Variants in KIRREL3 observed in about 807,000 individuals in gnomAD.
KIRREL3 encodes the protein kirre like nephrin family adhesion molecule 3.
In KIRREL3, 36 loss-of-function variants were observed where a neutral mutation model predicts 89.7. That is an observed-to-expected ratio of 0.40 (90% CI 0.31 to 0.53). The LOEUF (loss-of-function observed/expected upper bound fraction) is 0.53. Ranked by LOEUF, KIRREL3 falls within the 20% of genes least tolerant of loss-of-function variation. The probability of loss-of-function intolerance (pLI) is 0.49; values close to 1 mark genes in which losing one functional copy is unlikely to be tolerated. For missense variants in KIRREL3, 864 were observed against 1,056.6 expected (o/e 0.82, Z 2.53); for synonymous variants, 445 against 441.4 (o/e 1.01, Z -0.10).
rs73629186 is a variant in KIRREL3 at position 126,669,313 on chromosome 11, C to T, written c.56-106401G>A. ...GTTTTCCTTCAGCGTATTTCAAACA[C>T]GTGCAAGATCTTCCTCCTTCCCTGA... On this transcript the variant is annotated intron_variant, in intron 1 of 16. Coordinates refer to ENST00000525144, the MANE Select transcript of KIRREL3 (RefSeq NM_032531.4). The surrounding 1 kb of genome is among the most constrained non-coding windows in gnomAD (Gnocchi z 5.0). Among the ~76,000 whole-genome samples the T allele has an allele frequency of 0.016, 2,471 of 152,258 alleles. 82 individuals carry two copies. The highest frequency in any genetic ancestry group is 0.056 in the African/African-American group (2,310 of 41,524).
At position 126,519,987 on chromosome 11, in the gene KIRREL3, C is replaced by T. The variant is rs1188919429; in HGVS notation, c.433+1328G>A. On this transcript the variant is annotated intron_variant, in intron 4 of 16. Coordinates refer to ENST00000525144, the MANE Select transcript of KIRREL3 (RefSeq NM_032531.4). This position sits in a 1 kb window ranked among gnomAD's most constrained non-coding sequence, Gnocchi z 4.3. ...TTTTCTCATTCCTTTCATCGCAGGC[C>T]TGGGGAGACTCAAAGGTTGCAGGAG... Among the ~76,000 whole-genome samples the T allele has an allele frequency of 6.6e-6, 1 of 152,140 alleles. No individual in the cohort carries two copies. The highest frequency in any genetic ancestry group is 2.4e-5 in the African/African-American group (1 of 41,434).
In KIRREL3 at chr11:126,437,197, C is replaced by T. The variant is rs532907031; in HGVS notation, c.1354-188G>A. 5.9e-5 allele frequency among the ~76,000 whole-genome samples: 9 copies of T among 152,308 alleles called. 1 individual carries two copies. The highest frequency in any genetic ancestry group is 2.2e-4 in the African/African-American group (9 of 41,554). ...AAATATGCACACATGCAGGTGCACA[C>T]ACAACACGCATCACCACACATGGGC... On this transcript the variant is annotated intron_variant, in intron 11 of 16. Coordinates refer to ENST00000525144, the MANE Select transcript of KIRREL3 (RefSeq NM_032531.4).
rs954489899 is a variant in KIRREL3, at chr11:126,782,671, G to C, written c.55+217784C>G. Among the ~76,000 whole-genome samples, 23 of 152,138 alleles carry C rather than the reference G, an allele frequency of 1.5e-4. No homozygotes were observed. The highest frequency in any genetic ancestry group is 5.6e-4 in the African/African-American group (23 of 41,430). ...GGAGGTTACAGATAAGCAAAAGGAG[G>C]GGGCTAGAATGATCCAGATCCACGT... On this transcript the variant is annotated intron_variant, in intron 1 of 16. Transcript: ENST00000525144. The surrounding 1 kb of genome is among the most constrained non-coding windows in gnomAD (Gnocchi z 4.1).
intron 1 of KIRREL3, among the ~76,000 whole-genome samples, chr11:126,838,841 C>T (rs1943863561): frequency 6.6e-6 from 1 of 152,116 alleles, no homozygotes; most frequent in Non-Finnish European, 1.5e-5. Flanking sequence ...ACTTGTTTGG[C>T]ATGATAAAGT....
intron 1 of KIRREL3, among the ~76,000 whole-genome samples, chr11:126,910,493 T>C (rs1290355758): frequency 6.6e-6 from 1 of 152,192 alleles, no homozygotes; most frequent in Non-Finnish European, 1.5e-5. Flanking sequence ...AGTTAGTGGG[T>C]ATTTCCAGTG....
chr11:126,447,276 G>T (rs369056200), intron 8 of KIRREL3, among the ~76,000 whole-genome samples: 1 of 145,652 alleles, frequency 6.9e-6, no homozygotes, highest in Non-Finnish European at 1.5e-5. Context: ...CCAGTGGCGG[G>T]CAGGGGCCCT....
In KIRREL3 at chr11:126,627,324, G is replaced by A. The variant is rs867052068; in HGVS notation, c.56-64412C>T. On this transcript the variant is annotated intron_variant, in intron 1 of 16. Coordinates refer to ENST00000525144, the MANE Select transcript of KIRREL3 (RefSeq NM_032531.4). The surrounding 1 kb of genome is among the most constrained non-coding windows in gnomAD (Gnocchi z 5.0). ...ACAGAGGCTGGAGCAGGTGGCCAAGGGCCTTGAAAACCATGTTGAAGCATG... is the reference window on the plus strand; with the variant it reads ...ACAGAGGCTGGAGCAGGTGGCCAAGAGCCTTGAAAACCATGTTGAAGCATG... Among the ~76,000 whole-genome samples, 1 of 152,108 alleles carries A rather than the reference G, an allele frequency of 6.6e-6. No individual in the cohort carries two copies. Among genetic ancestry groups the A allele is most frequent in the Non-Finnish European group, 1.5e-5 (1 of 68,012 alleles).
At position 126,898,566 on chromosome 11, in the gene KIRREL3, C is replaced by T. The variant is rs1592308990; in HGVS notation, c.55+101889G>A. On this transcript the variant is annotated intron_variant, in intron 1 of 16. Coordinates refer to ENST00000525144, the MANE Select transcript of KIRREL3 (RefSeq NM_032531.4). This position sits in a 1 kb window ranked among gnomAD's most constrained non-coding sequence, Gnocchi z 4.9. Reference sequence around the variant, plus strand: ...CAATACGAACAATTCCTAAAAGCAGCGTTAGTTGAAAGCAGAAACAGAATT... The same window carrying T: ...CAATACGAACAATTCCTAAAAGCAGTGTTAGTTGAAAGCAGAAACAGAATT... Among the ~76,000 whole-genome samples, 1 of 152,080 alleles carries T rather than the reference C, an allele frequency of 6.6e-6. No homozygotes were observed. Among genetic ancestry groups the T allele is most frequent in the South Asian group, 2.1e-4 (1 of 4,820 alleles).
In KIRREL3 at chr11:126,668,680, G is replaced by A. The variant is rs184211329; in HGVS notation, c.56-105768C>T. 6.8e-6 allele frequency among the ~76,000 whole-genome samples: 1 copy of A among 147,522 alleles called. No individual in the cohort carries two copies. The highest frequency in any genetic ancestry group is 6.7e-5 in the Admixed American group (1 of 14,824). On this transcript the variant is annotated intron_variant, in intron 1 of 16. Coordinates refer to ENST00000525144, the MANE Select transcript of KIRREL3 (RefSeq NM_032531.4). The surrounding 1 kb of genome is among the most constrained non-coding windows in gnomAD (Gnocchi z 4.4). ...TGTCTCAAATCTATAAAGAGCTGTT[G>A]GGAAGTTTCTGTTTTTCTTTCTTTC...
chr11:126,795,414 G>A lies in KIRREL3; in HGVS notation c.55+205041C>T, dbSNP rs1452511345. On this transcript the variant is annotated intron_variant, in intron 1 of 16. Transcript: ENST00000525144. This position sits in a 1 kb window ranked among gnomAD's most constrained non-coding sequence, Gnocchi z 4.1. ...AGACAGAGTCTCAGTCTGTGACCCA[G>A]CCTGGAGTGCAGTGGCGTGATCTCT... Among the ~76,000 whole-genome samples, 1 of 152,194 alleles carries A rather than the reference G, an allele frequency of 6.6e-6. No individual in the cohort carries two copies. Among genetic ancestry groups the A allele is most frequent in the Admixed American group, 6.5e-5 (1 of 15,278 alleles).
intron 1 of KIRREL3, among the ~76,000 whole-genome samples, chr11:126,711,257 C>T (rs187572427): frequency 4.4e-4 from 67 of 152,304 alleles, no homozygotes; most frequent in African/African-American, 1.4e-3. Flanking sequence ...CACATAACCG[C>T]CTAAGTTTAA....
rs145547813 is a variant in KIRREL3 at position 126,714,440 on chromosome 11, C to T, written c.56-151528G>A. ...CAGAAGAAACCTGTGCTAATGCCTG[C>T]GATTCTCTGTGGGACAGCGGGTGTG... is the stretch of plus-strand genomic sequence containing the variant. On this transcript the variant is annotated intron_variant, in intron 1 of 16. Coordinates refer to ENST00000525144, the MANE Select transcript of KIRREL3 (RefSeq NM_032531.4). Among the ~76,000 whole-genome samples, 12 of 152,318 alleles carry T rather than the reference C, an allele frequency of 7.9e-5. No individual in the cohort carries two copies. The South Asian group carries it at 1.9e-3, about 24-fold the overall frequency.
intron 1 of KIRREL3, among the ~76,000 whole-genome samples, chr11:126,613,883 TTTTTTTTTTTA>T (rs1943234011): frequency 2.6e-5 from 2 of 76,846 alleles, no homozygotes; most frequent in East Asian, 5.3e-4. Context: ...TTTTTTTTTT[TTTTTTTTTTTA>T]TTTTTTTCCC....
In KIRREL3 at chr11:126,906,093, C is replaced by T. The variant is rs1045834172; in HGVS notation, c.55+94362G>A. ...TGTGCAGAGCCCCAGGCTCCAATCA[C>T]ACTGCAGCAGGAGCACACTCCAGCC... On this transcript the variant is annotated intron_variant, in intron 1 of 16. Transcript: ENST00000525144. The surrounding 1 kb of genome is among the most constrained non-coding windows in gnomAD (Gnocchi z 4.1). Among the ~76,000 whole-genome samples the T allele has an allele frequency of 6.6e-6, 1 of 152,206 alleles. No homozygotes were observed. The highest frequency in any genetic ancestry group is 6.5e-5 in the Admixed American group (1 of 15,286).
At chr11:126,661,807 A>C (rs1424012004) in intron 1 of KIRREL3, among the ~76,000 whole-genome samples, 2 of 152,202 alleles carry the variant, frequency 1.3e-5, no homozygotes, top group Non-Finnish European at 2.9e-5. Context: ...AATTTTAAAA[A>C]TCACCTAGGA....
intron 1 of KIRREL3, among the ~76,000 whole-genome samples, chr11:126,839,894 T>C (rs1943906563): frequency 1.3e-5 from 2 of 152,172 alleles, no homozygotes; most frequent in Non-Finnish European, 2.9e-5. Flanking sequence ...CAAGCTGTCA[T>C]GAATATTTAA....
intron 1 of KIRREL3, among the ~76,000 whole-genome samples, chr11:126,644,159 G>A (rs921854574): frequency 6.6e-6 from 1 of 152,216 alleles, no homozygotes; most frequent in African/African-American, 2.4e-5. Flanking sequence ...TAGGGGACTA[G>A]CATGGTAGAT....
At chr11:126,821,351 A>ATATATATATATATATGTGTG (rs756545626) in intron 1 of KIRREL3, among the ~76,000 whole-genome samples, 3 of 105,228 alleles carry the variant, frequency 2.9e-5, no homozygotes, top group East Asian at 6.7e-4. Context: ...ATATATATAT[A>ATATATATATATATATGTGTG]TGTAACTTCC....
Position 126,729,413 on chromosome 11 carries a change from C to T in KIRREL3, c.56-166501G>A, listed in dbSNP as rs1159311865. The stretch of plus-strand genomic sequence containing the variant: ...CAAGGCTCATTTTAGGGACATATTG[C>T]AGGAGAGACAGGAAATTGAAATTGG... On this transcript the variant is annotated intron_variant, in intron 1 of 16. Coordinates refer to ENST00000525144, the MANE Select transcript of KIRREL3 (RefSeq NM_032531.4). The surrounding 1 kb of genome is among the most constrained non-coding windows in gnomAD (Gnocchi z 4.5). Among the ~76,000 whole-genome samples, 1 of 152,192 alleles carries T rather than the reference C, an allele frequency of 6.6e-6. No homozygotes were observed. Among genetic ancestry groups the T allele is most frequent in the African/African-American group, 2.4e-5 (1 of 41,438 alleles).
Sources: allele counts gnomAD v4.1 joint callset (sites outside exome capture counted in the v4.1 genomes callset), GRCh38; gene constraint gnomAD v4.1.1; non-coding constraint Gnocchi (gnomAD v3.1); transcripts MANE v1.5; gene names NCBI Gene and HGNC (gene_info 2026-07-23, HGNC 2026-07-21).